The following NCAM2 variants were observed in gnomAD, a reference collection of about 807,000 sequenced individuals.
NCAM2 encodes neural cell adhesion molecule 2.
In NCAM2, 30 loss-of-function variants were observed where a neutral mutation model predicts 98.1. The ratio of observed to expected loss-of-function variants is 0.31; its 90% CI spans 0.23 to 0.41. The LOEUF is 0.41. NCAM2 is among the 10% of genes least tolerant of loss of function. The pLI is 1.00. For missense variants in NCAM2, 867 were observed against 1,005.8 expected, an observed-to-expected ratio of 0.86 and a Z score of 1.87; for synonymous variants, 368 against 342.4, an observed-to-expected ratio of 1.07 and a Z score of -0.83.
intron 15 of NCAM2, among the ~76,000 whole-genome samples, chr21:21,493,810 A>G (rs1330963873): frequency 6.6e-6 from 1 of 151,926 alleles, no homozygotes; most frequent in Non-Finnish European, 1.5e-5. Flanking sequence ...ATTTTACATT[A>G]TGTAGCCTTT....
chr21:21,446,354 T>C (rs1980136654), intron 12 of NCAM2, among the ~76,000 whole-genome samples: 1 of 152,112 alleles, frequency 6.6e-6, no homozygotes. Flanking sequence ...TCTCTGTATT[T>C]TCCTAAATTT....
intron 4 of NCAM2, among the ~76,000 whole-genome samples, chr21:21,287,763 C>T (rs1019240943): frequency 4.6e-5 from 7 of 151,840 alleles, no homozygotes; most frequent in African/African-American, 4.8e-5. Flanking sequence ...AGAGCTCATA[C>T]GTATTTCCCC....
Position 21,477,303 on chromosome 21 carries a change from G to A in NCAM2, c.1909G>A (p.Asp637Asn). 6.3e-7 allele frequency: 1 copy of A among 1,593,104 alleles called. No homozygotes were observed. Among genetic ancestry groups the A allele is most frequent in the South Asian group, 1.1e-5 (1 of 87,486 alleles). The change falls in exon 15 of 18, where the codon GAC (aspartate) becomes AAC (asparagine). Residue 637 changes from aspartate (D) to asparagine (N), a missense_variant. By Grantham distance (23) the Asp-to-Asn change is conservative (BLOSUM62 1). Around this residue, in one of 5 missense-constraint regions of NCAM2, gnomAD observed 234 missense variants for 333.8 expected, o/e 0.70. Coordinates refer to ENST00000400546, the MANE Select transcript of NCAM2 (RefSeq NM_004540.5). Reference sequence around the variant, plus strand: ...ATTGCTTTCACAGAAAGATAAGGAAGACCAATGGCTAGAGAAAAAAGTGCA... The same window carrying A: ...ATTGCTTTCACAGAAAGATAAGGAAAACCAATGGCTAGAGAAAAAAGTGCA... ...IVKYRSKDKE[D>N]QWLEKKVQGN...
intron 8 of NCAM2, among the ~76,000 whole-genome samples, chr21:21,355,213 C>G (rs1047394507): frequency 2.0e-5 from 3 of 151,786 alleles, no homozygotes; most frequent in Non-Finnish European, 4.4e-5. Context: ...GCACATGGAT[C>G]GCATGAGGCC....
chr21:21,025,990 G>C (rs918858405), intron 1 of NCAM2, among the ~76,000 whole-genome samples: 1 of 152,190 alleles, frequency 6.6e-6, no homozygotes, highest in Non-Finnish European at 1.5e-5. Flanking sequence ...AATGACAACA[G>C]GAGTCAGGTG....
intron 8 of NCAM2, among the ~76,000 whole-genome samples, chr21:21,370,928 A>G (rs1192473747): frequency 6.6e-6 from 1 of 151,930 alleles, no homozygotes; most frequent in African/African-American, 2.4e-5. Flanking sequence ...TTTGTTGAAT[A>G]AATTTTTTAT....
intron 1 of NCAM2, among the ~76,000 whole-genome samples, chr21:21,099,532 C>G (rs1231574986): frequency 6.6e-6 from 1 of 151,798 alleles, no homozygotes; most frequent in Non-Finnish European, 1.5e-5. Context: ...ATAAAACCAT[C>G]AGATCTGGTG....
rs539874685 is a variant in NCAM2 at position 21,093,913 on chromosome 21, A to G, written c.55+95295A>G. 4.6e-5 allele frequency among the ~76,000 whole-genome samples: 7 copies of G among 152,068 alleles called. No individual in the cohort carries two copies. In the East Asian group the frequency reaches 1.4e-3, roughly 29 times the overall value. On this transcript the variant is annotated intron_variant, in intron 1 of 17. Coordinates refer to ENST00000400546, the MANE Select transcript of NCAM2 (RefSeq NM_004540.5). Reference sequence around the variant, plus strand: ...ACTTTCCTTCTTTTGTTTACATTTTATCTAAAGTGTAATTTTCTCAAGGAA... The same window carrying G: ...ACTTTCCTTCTTTTGTTTACATTTTGTCTAAAGTGTAATTTTCTCAAGGAA...
intron 2 of NCAM2, among the ~76,000 whole-genome samples, chr21:21,281,912 A>G (rs2072943074): frequency 6.6e-6 from 1 of 151,784 alleles, no homozygotes; most frequent in South Asian, 2.1e-4. Context: ...ATAACATTTT[A>G]TAAATCATAT....
chr21:21,054,334 G>C (rs1165739523), intron 1 of NCAM2, among the ~76,000 whole-genome samples: 4 of 152,092 alleles, frequency 2.6e-5, no homozygotes, highest in Middle Eastern at 3.4e-3. Flanking sequence ...TTTTAAAAAT[G>C]TGTTTGAACT....
intron 1 of NCAM2, chr21:21,239,458 T>C (rs558771452): frequency 2.6e-5 from 4 of 152,300 alleles, no homozygotes; most frequent in African/African-American, 9.6e-5. Flanking sequence ...TATCTCCCTT[T>C]AAAGATATTA....
chr21:21,458,866 A>G (rs2146180347), intron 12 of NCAM2, among the ~76,000 whole-genome samples: 1 of 152,310 alleles, frequency 6.6e-6, no homozygotes, highest in Non-Finnish European at 1.5e-5. Flanking sequence ...TCAAGATGAA[A>G]AACTTCCGCA....
intron 1 of NCAM2, among the ~76,000 whole-genome samples, chr21:21,209,424 A>G (rs896638783): frequency 2.0e-5 from 3 of 152,124 alleles, no homozygotes; most frequent in South Asian, 2.1e-4. Flanking sequence ...GGGTCTTGCT[A>G]TGTTTTCCAG....
At chr21:21,526,998 T>G (rs1190831502) in intron 16 of NCAM2, among the ~76,000 whole-genome samples, 1 of 152,066 alleles carries the variant, frequency 6.6e-6, no homozygotes, top group Admixed American at 6.6e-5. Flanking sequence ...GACCTAAATA[T>G]AAATCAAAAA....
At chr21:21,125,423 TCATAC>T (rs2066776760) in intron 1 of NCAM2, among the ~76,000 whole-genome samples, 1 of 5,778 alleles carries the variant, frequency 1.7e-4, no homozygotes, top group Non-Finnish European at 4.3e-4. Context: ...TTACATATAT[TCATAC>T]ATATGTAATA....
intron 1 of NCAM2, among the ~76,000 whole-genome samples, chr21:21,163,769 C>T (rs559749542): frequency 5.3e-5 from 8 of 152,156 alleles, no homozygotes; most frequent in Non-Finnish European, 1.2e-4. Context: ...ACCATCATCA[C>T]TGCTATTTTT....
chr21:21,203,660 A>G (rs1471771314), intron 1 of NCAM2, among the ~76,000 whole-genome samples: 1 of 152,206 alleles, frequency 6.6e-6, no homozygotes, highest in African/African-American at 2.4e-5. Flanking sequence ...TGAAGAAATT[A>G]TAACAACTTT....
chr21:21,406,732 G>A (rs575450608), intron 9 of NCAM2, among the ~76,000 whole-genome samples: 1 of 152,098 alleles, frequency 6.6e-6, no homozygotes, highest in African/African-American at 2.4e-5. Flanking sequence ...ATTATAATTT[G>A]TAGAATCATA....
chr21:21,477,320 A>G lies in NCAM2; in HGVS notation c.1926A>G (p.Lys642=). The G allele has an allele frequency of 6.2e-7, 1 of 1,601,714 alleles. No homozygotes were observed. Among genetic ancestry groups the G allele is most frequent in the Non-Finnish European group, 8.5e-7 (1 of 1,172,528 alleles). ...SKDKEDQWLE[K]KVQGNKDHII... ...ATAAGGAAGACCAATGGCTAGAGAA[A>G]AAAGTGCAAGGAAATAAAGACCACA... The change falls in exon 15 of 18, where the codon AAA becomes AAG. Residue 642 remains lysine (K), a synonymous_variant. Transcript: ENST00000400546.
Sources: allele counts gnomAD v4.1 joint callset (sites outside exome capture counted in the v4.1 genomes callset), GRCh38; gene constraint gnomAD v4.1.1; regional missense constraint gnomAD v4.1.1; transcripts MANE v1.5; gene names NCBI Gene and HGNC (gene_info 2026-07-23, HGNC 2026-07-21).